Variants in MCTP2 observed in about 807,000 individuals in gnomAD.
MCTP2 encodes multiple C2 and transmembrane domain-containing protein 2.
MCTP2 carries 132 observed loss-of-function variants against 111.6 expected under a neutral mutation model. That is an observed-to-expected ratio of 1.18 (90% CI 1.03 to 1.37). The LOEUF (loss-of-function observed/expected upper bound fraction) is 1.37. Among genes scored for constraint, MCTP2 ranks in the 40% most tolerant of loss-of-function variants. MCTP2 has a pLI of 0.00. For synonymous variants in MCTP2, 395 were observed against 387.7 expected, an observed-to-expected ratio of 1.02 and a Z score of -0.22; for missense variants, 1,183 against 1,067.9, an observed-to-expected ratio of 1.11 and a Z score of -1.50.
intron 1 of MCTP2, among the ~76,000 whole-genome samples, chr15:94,289,005 G>C (rs1346156835): frequency 1.3e-5 from 2 of 152,136 alleles, no homozygotes; most frequent in East Asian, 3.8e-4. Context: ...AAAAATAATA[G>C]AGTCTCCGGG....
intron 1 of MCTP2, among the ~76,000 whole-genome samples, chr15:94,262,674 T>G (rs1328321059): frequency 3.3e-5 from 5 of 149,388 alleles, no homozygotes; most frequent in Admixed American, 6.7e-5. Flanking sequence ...TTTTTTTTTG[T>G]GGGGGTGCGT....
rs574243074 is a variant in MCTP2, at chr15:94,378,566, T to C, written c.1583-5456T>C. On this transcript the variant is annotated intron_variant, in intron 12 of 22. Coordinates refer to ENST00000357742, the MANE Select transcript of MCTP2 (RefSeq NM_001385001.1). ...CAAATAAAAAGGAAACTTTCTTATG[T>C]CACTCATCTTGTTTGCTCTAGGTGT... Among the ~76,000 whole-genome samples, 16 of 152,336 alleles carry C rather than the reference T, an allele frequency of 1.1e-4. No homozygotes were observed. The East Asian group carries it at 2.9e-3, about 28-fold the overall frequency.
intron 12 of MCTP2, among the ~76,000 whole-genome samples, chr15:94,370,657 T>G (rs1019449028): frequency 3.9e-5 from 6 of 152,162 alleles, no homozygotes; most frequent in African/African-American, 1.2e-4. Context: ...GTTGACATTG[T>G]CTTATAGGAA....
intron 17 of MCTP2, among the ~76,000 whole-genome samples, chr15:94,433,613 A>G (rs893604222): frequency 6.6e-6 from 1 of 152,238 alleles, no homozygotes; most frequent in Non-Finnish European, 1.5e-5. Context: ...GACATATTAT[A>G]CAGAAGTAGA....
intron 17 of MCTP2, among the ~76,000 whole-genome samples, chr15:94,426,145 A>ATT (rs2082880725): frequency 8.1e-5 from 8 of 99,164 alleles, no homozygotes; most frequent in African/African-American, 2.7e-4. Flanking sequence ...AGAGATTGAG[A>ATT]GAGAGAGAGA....
In MCTP2 at chr15:94,356,309, C is replaced by A; in HGVS notation, c.1170+8C>A. ...CAGAGGTATAAAAGTAAGGTAAGTT[C>A]CATCTTTTCCATAAGGAGAACAGTA... On this transcript the variant is annotated splice_region_variant and intron_variant, in intron 9 of 22. Coordinates refer to ENST00000357742, the MANE Select transcript of MCTP2 (RefSeq NM_001385001.1). 5 of 1,567,810 alleles carry A rather than the reference C, an allele frequency of 3.2e-6. No individual in the cohort carries two copies. The highest frequency in any genetic ancestry group is 1.2e-5 in the South Asian group (1 of 81,226).
At chr15:94,344,658 G>A (rs1448951684) in intron 7 of MCTP2, among the ~76,000 whole-genome samples, 1 of 152,106 alleles carries the variant, frequency 6.6e-6, no homozygotes, top group Non-Finnish European at 1.5e-5. Flanking sequence ...TTTGTCTAGT[G>A]TTTTGAATAC....
rs1229445808 is a variant in MCTP2, at chr15:94,260,191, T to C, written c.-66+28527T>C. Among the ~76,000 whole-genome samples the C allele has an allele frequency of 1.3e-5, 2 of 152,198 alleles. 1 individual carries two copies. The highest frequency in any genetic ancestry group is 1.3e-4 in the Admixed American group (2 of 15,284). Reference sequence around the variant, plus strand: ...ATTCTGGCCACGGAAACTTCTCCTGTTCCTCAGGGGCAATAAGGGTATGCG... The same window carrying C: ...ATTCTGGCCACGGAAACTTCTCCTGCTCCTCAGGGGCAATAAGGGTATGCG... On this transcript the variant is annotated intron_variant, in intron 1 of 22. Coordinates refer to ENST00000357742, the MANE Select transcript of MCTP2 (RefSeq NM_001385001.1).
intron 12 of MCTP2, among the ~76,000 whole-genome samples, chr15:94,382,859 G>A (rs1197052178): frequency 1.3e-5 from 2 of 152,256 alleles, no homozygotes; most frequent in African/African-American, 4.8e-5. Context: ...CGGACATTAC[G>A]GAGCCATTCG....
Position 94,358,482 on chromosome 15 carries a change from A to G in MCTP2, c.1171A>G (p.Thr391Ala), listed in dbSNP as rs1329859446. Residue 391 changes from threonine (T) to alanine (A), a missense_variant and splice_region_variant, in exon 10 of 23, where the codon ACA becomes GCA. Transcript: ENST00000357742. ...AATATTATAACTGCATGTTTTCTAG[A>G]CACTGTGTAAGAGTGCAAATCCGCA... ...KLGDQRYKSK[T>A]LCKSANPQWQ... 6.2e-7 allele frequency: 1 copy of G among 1,610,608 alleles called. No individual in the cohort carries two copies. Among genetic ancestry groups the G allele is most frequent in the African/African-American group, 1.3e-5 (1 of 74,830 alleles).
intron 7 of MCTP2, chr15:94,342,878 A>G (rs958405782): frequency 1.3e-5 from 2 of 150,956 alleles, no homozygotes; most frequent in African/African-American, 4.9e-5. Flanking sequence ...TCAAATAGCT[A>G]TCTTTGTGAA....
chr15:94,367,867 G>A, intron 11 of MCTP2, 76 bp downstream of exon 11: 1 of 1,289,012 alleles, frequency 7.8e-7, no homozygotes, highest in Admixed American at 3.0e-5. Context: ...TTGAAACAAA[G>A]TCTCTGAATT....
chr15:94,402,668 C>T, intron 17 of MCTP2: 3 of 1,506,888 alleles, frequency 2.0e-6, no homozygotes, highest in Non-Finnish European at 2.7e-6. Flanking sequence ...CTCATGCCTT[C>T]ACTTTATATC....
chr15:94,374,082 A>G (rs1002573912), intron 12 of MCTP2, among the ~76,000 whole-genome samples: 2 of 152,234 alleles, frequency 1.3e-5, no homozygotes, highest in African/African-American at 4.8e-5. Flanking sequence ...AATGCTGAGA[A>G]ATGGACAGTA....
rs770685741 is a variant in MCTP2 at position 94,399,882 on chromosome 15, A to G, written c.1891-39A>G. 11 of 1,571,184 alleles carry G rather than the reference A, an allele frequency of 7.0e-6. No individual in the cohort carries two copies. In the Admixed American group the frequency reaches 8.3e-5, roughly 12 times the overall value. ...AGAAAACTAGGTGGATGAAGTCCCT[A>G]TACATGCTGCCCTTTTTTAACAAGG... is the stretch of plus-strand genomic sequence containing the variant. On this transcript the variant is annotated intron_variant, in intron 15 of 22. Coordinates refer to ENST00000357742, the MANE Select transcript of MCTP2 (RefSeq NM_001385001.1).
At chr15:94,477,337 G>A (rs933871443) in intron 22 of MCTP2, among the ~76,000 whole-genome samples, 1 of 152,194 alleles carries the variant, frequency 6.6e-6, no homozygotes, top group Non-Finnish European at 1.5e-5. Context: ...GAAATAATGT[G>A]AGATCAATCA....
Position 94,440,188 on chromosome 15 carries a change from A to G in MCTP2, c.2098A>G (p.Thr700Ala), listed in dbSNP as rs2083698289. The change falls in exon 18 of 23, where the codon ACT becomes GCT. Residue 700 changes from threonine (T) to alanine (A), a missense_variant. Transcript: ENST00000357742. Reference sequence around the variant, plus strand: ...GTCTTTCAATCAGGTATTTTTGATCACTGTCTGGAATTTTGAACTATATAT... The same window carrying G: ...GTCTTTCAATCAGGTATTTTTGATCGCTGTCTGGAATTTTGAACTATATAT... ...STIAFAVFLI[T>A]VWNFELYMIP... 1.2e-6 allele frequency: 2 copies of G among 1,613,882 alleles called. No individual in the cohort carries two copies. Among genetic ancestry groups the G allele is most frequent in the African/African-American group, 1.3e-5 (1 of 75,022 alleles).
intron 20 of MCTP2, among the ~76,000 whole-genome samples, chr15:94,467,127 A>AT (rs1353065842): frequency 6.6e-6 from 1 of 152,216 alleles, no homozygotes; most frequent in East Asian, 1.9e-4. Flanking sequence ...AGATGCAGTT[A>AT]TTATTCCTGT....
intron 19 of MCTP2, among the ~76,000 whole-genome samples, chr15:94,449,940 G>A (rs1428011063): frequency 2.0e-5 from 3 of 152,192 alleles, no homozygotes; most frequent in Admixed American, 1.3e-4. Flanking sequence ...AGTGCAGAGA[G>A]ACTTTTAATG....
Sources: allele counts gnomAD v4.1 joint callset (sites outside exome capture counted in the v4.1 genomes callset), GRCh38; gene constraint gnomAD v4.1.1; transcripts MANE v1.5; gene names NCBI Gene and HGNC (gene_info 2026-07-23, HGNC 2026-07-21).